The following RECK variants were observed in gnomAD, a reference collection of about 807,000 sequenced individuals.
The protein encoded by RECK is reversion-inducing cysteine-rich protein with Kazal motifs.
In RECK, 69 loss-of-function variants were observed where a neutral mutation model predicts 115.1. The ratio of observed to expected loss-of-function variants is 0.60; its 90% CI spans 0.49 to 0.73. The LOEUF (loss-of-function observed/expected upper bound fraction) is 0.73, where lower values mean the gene tolerates loss of function less well. Among genes scored for constraint, RECK ranks in the 30% least tolerant of loss-of-function variants. The pLI is 0.00. For synonymous variants in RECK, 414 were observed against 419.7 expected (o/e 0.99, Z 0.17); for missense variants, 1,047 against 1,203.7 (o/e 0.87, Z 1.93).
chr9:36,091,611 C>T (rs1823157778), intron 10 of RECK, among the ~76,000 whole-genome samples: 1 of 152,168 alleles, frequency 6.6e-6, no homozygotes, highest in South Asian at 2.1e-4. Context: ...TACTGTACCA[C>T]CAGTGGAAGT....
At chr9:36,043,430 G>A (rs1277607726) in intron 1 of RECK, among the ~76,000 whole-genome samples, 1 of 151,936 alleles carries the variant, frequency 6.6e-6, no homozygotes, top group African/African-American at 2.4e-5. Flanking sequence ...TCCTTTGTCA[G>A]ATGCATAGTT....
At chr9:36,114,539 T>C (rs1824184276) in intron 16 of RECK, among the ~76,000 whole-genome samples, 1 of 152,228 alleles carries the variant, frequency 6.6e-6, no homozygotes, top group East Asian at 1.9e-4. Context: ...TATAAATGCT[T>C]ATCCTTACAT....
chr9:36,059,965 C>A (rs909360862), intron 3 of RECK, among the ~76,000 whole-genome samples, 154 bp from the exon 4 acceptor site: 7 of 152,146 alleles, frequency 4.6e-5, no homozygotes, highest in African/African-American at 1.4e-4. Flanking sequence ...TTTGTTCCCC[C>A]CGAATAGCTG....
rs1466387263 is a variant in RECK, at chr9:36,083,465, A to G, written c.540A>G (p.Ile180Met). ...RTDSSPGPSQIKAVENYCASI... is the reference protein window; with the variant it reads ...RTDSSPGPSQMKAVENYCASI... ...ACTCTTCTCCTGGTCCATCTCAGAT[A>G]AAAGCAGTGGAAAATTATTGCGCCT... Residue 180 changes from isoleucine to methionine, a missense_variant, in exon 8 of 21, where the codon ATA becomes ATG. By Grantham distance (10) the Ile-to-Met change is conservative. Coordinates refer to ENST00000377966, the MANE Select transcript of RECK (RefSeq NM_021111.3). 1 of 1,614,006 alleles carries G rather than the reference A, an allele frequency of 6.2e-7. No homozygotes were observed. Among genetic ancestry groups the G allele is most frequent in the Non-Finnish European group, 8.5e-7 (1 of 1,179,986 alleles).
At chr9:36,095,655 A>T (rs922865104) in intron 10 of RECK, among the ~76,000 whole-genome samples, 1 of 152,178 alleles carries the variant, frequency 6.6e-6, no homozygotes, top group Non-Finnish European at 1.5e-5. Context: ...ACATCTTTTC[A>T]GCCAGGCATG....
chr9:36,038,231 C>A (rs1820745965), intron 1 of RECK, among the ~76,000 whole-genome samples: 1 of 151,892 alleles, frequency 6.6e-6, no homozygotes, highest in African/African-American at 2.4e-5. Context: ...GAGGATTGCT[C>A]GAGCCCCGGG....
At chr9:36,103,634 G>GGATTTGTAGCTGGTA (rs575172301) in intron 12 of RECK, among the ~76,000 whole-genome samples, 1 of 152,178 alleles carries the variant, frequency 6.6e-6, no homozygotes, top group Admixed American at 6.5e-5. Context: ...AGTATGTGCT[G>GGATTTGTAGCTGGTA]GATTTGTAGC....
intron 10 of RECK, among the ~76,000 whole-genome samples, chr9:36,098,904 G>A (rs879890982): frequency 2.0e-4 from 30 of 152,192 alleles, no homozygotes; most frequent in Middle Eastern, 3.4e-3. Context: ...TTGACTAGAG[G>A]GGGCACAAGG....
At chr9:36,091,025 G>T in intron 9 of RECK, 139 bp from the exon 10 acceptor site, 1 of 643,310 alleles carries the variant, frequency 1.6e-6, no homozygotes, top group East Asian at 3.2e-5. Context: ...CTAGTTTCTA[G>T]GAAATAGTCA....
chr9:36,091,443 G>T, intron 10 of RECK, 100 bp downstream of exon 10: 1 of 930,840 alleles, frequency 1.1e-6, no homozygotes. Flanking sequence ...TGGGTTAAAA[G>T]AAAGTCTTCT....
intron 10 of RECK, among the ~76,000 whole-genome samples, chr9:36,092,861 A>T (rs962103263): frequency 2.6e-5 from 4 of 151,912 alleles, no homozygotes; most frequent in African/African-American, 9.7e-5. Flanking sequence ...GAAGCTAGAT[A>T]TTGAAGGAAA....
Position 36,118,759 on chromosome 9 carries a change from C to T in RECK, c.2256C>T (p.Pro752=), listed in dbSNP as rs756192799. 6.2e-7 allele frequency: 1 copy of T among 1,613,680 alleles called. No individual in the cohort carries two copies. The highest frequency in any genetic ancestry group is 8.5e-7 in the Non-Finnish European group (1 of 1,179,802). Residue 752 remains proline, a splice_region_variant and synonymous_variant, in exon 18 of 21, where the codon CCC becomes CCT. Transcript: ENST00000377966. ...AAATGTGATTTGTTTGCCCTCAGCC[C>T]TTTTGCAGAGCAACCGAGCCCGTAT... is the stretch of plus-strand genomic sequence containing the variant. ...KSLSYKGPCQ[P]FCRATEPVCG...
At chr9:36,099,422 T>C (rs1381128312) in intron 10 of RECK, among the ~76,000 whole-genome samples, 1 of 152,246 alleles carries the variant, frequency 6.6e-6, no homozygotes, top group Non-Finnish European at 1.5e-5. Flanking sequence ...TAATGTTTAC[T>C]TTGGAAAATA....
intron 5 of RECK, 33 bp downstream of exon 5, chr9:36,063,913 T>G (rs573082772): frequency 1.7e-4 from 277 of 1,595,256 alleles, no homozygotes; most frequent in Non-Finnish European, 2.0e-4. Flanking sequence ...TCAAACATCA[T>G]GGAGTGCAGT....
chr9:36,105,626 T>G (rs1041283004), intron 13 of RECK, among the ~76,000 whole-genome samples: 1 of 152,204 alleles, frequency 6.6e-6, no homozygotes, highest in African/African-American at 2.4e-5. Flanking sequence ...TTTTTGTACT[T>G]TCTCTTCTAT....
intron 8 of RECK, chr9:36,085,194 T>C (rs749211898): frequency 3.5e-5 from 8 of 229,478 alleles, no homozygotes; most frequent in Non-Finnish European, 7.7e-5. Flanking sequence ...TTTTTGCCAA[T>C]GAGCAATTAT....
chr9:36,056,587 A>G (rs1821535734), intron 2 of RECK, among the ~76,000 whole-genome samples: 1 of 152,212 alleles, frequency 6.6e-6, no homozygotes, highest in Non-Finnish European at 1.5e-5. Context: ...ATCCAATGAC[A>G]CTTTCTACAA....
chr9:36,121,325 A>G (rs1824451951), intron 19 of RECK, among the ~76,000 whole-genome samples: 2 of 152,174 alleles, frequency 1.3e-5, no homozygotes, highest in South Asian at 2.1e-4. Flanking sequence ...GAAAGTATGT[A>G]TCTTCACTAC....
intron 16 of RECK, 81 bp from the exon 17 acceptor site, chr9:36,116,904 C>T: frequency 1.8e-6 from 2 of 1,130,534 alleles, no homozygotes; most frequent in South Asian, 1.5e-5. Flanking sequence ...CTTCAGCCTC[C>T]TATCCCTCAT....
Sources: gnomAD v4.1 joint callset for allele counts (sites outside exome capture counted in the v4.1 genomes callset) on GRCh38, gnomAD v4.1.1 for gene constraint, MANE v1.5 for transcripts, NCBI Gene and HGNC (gene_info 2026-07-23, HGNC 2026-07-21) for gene names.